The following DIDO1 variants were observed in gnomAD, a reference collection of about 807,000 sequenced individuals.
DIDO1 encodes the protein death-inducer obliterator 1.
Under a neutral mutation model 99.4 loss-of-function variants are expected in DIDO1, and 16 were observed. The observed-to-expected ratio is 0.16, with a 90% CI of 0.11 to 0.24. The LOEUF is 0.24. Ranked by LOEUF, DIDO1 falls within the 10% of genes least tolerant of loss-of-function variation. DIDO1 has a pLI of 1.00. For missense variants in DIDO1, 2,996 were observed against 3,014.0 expected (o/e 0.99, Z 0.14); for synonymous variants, 1,366 against 1,239.1 (o/e 1.10, Z -2.15).
intron 6 of DIDO1, among the ~76,000 whole-genome samples, chr20:62,901,252 ACT>A (rs1457215611): frequency 2.0e-5 from 3 of 152,166 alleles, no homozygotes; most frequent in Admixed American, 2.0e-4. Flanking sequence ...GTTTTGGAAT[ACT>A]CAAAGCTTTC....
chr20:62,905,131 A>G, intron 6 of DIDO1: 1 of 1,005,442 alleles, frequency 9.9e-7, no homozygotes, highest in Non-Finnish European at 1.2e-6. Context: ...AATTTGGGGC[A>G]GGATATGATC....
Position 62,907,139 on chromosome 20 carries a change from C to A in DIDO1, c.1374+8G>T. 1 of 1,614,128 alleles carries A rather than the reference C, an allele frequency of 6.2e-7. No homozygotes were observed. Among genetic ancestry groups the A allele is most frequent in the South Asian group, 1.1e-5 (1 of 91,064 alleles). On this transcript the variant is annotated splice_region_variant and intron_variant, in intron 5 of 15. Transcript: ENST00000395343. ...CACTGCCTGGGCGGCTGGTCCTGGT[C>A]CACTCACCTGAGCACCGCATTTCGG...
intron 1 of DIDO1, among the ~76,000 whole-genome samples, chr20:62,919,206 A>G (rs1408194344): frequency 6.6e-6 from 1 of 152,224 alleles, no homozygotes; most frequent in Non-Finnish European, 1.5e-5. Flanking sequence ...AATCCTTCAG[A>G]CGGCAAATTC....
chr20:62,905,197 A>C (rs2064773339), intron 6 of DIDO1: 1 of 1,116,336 alleles, frequency 9.0e-7, no homozygotes, highest in Non-Finnish European at 1.1e-6. Flanking sequence ...CATGTAGAAT[A>C]CCAAGTCCAA....
chr20:62,902,088 G>A (rs1298424682), intron 6 of DIDO1, among the ~76,000 whole-genome samples: 1 of 152,116 alleles, frequency 6.6e-6, no homozygotes, highest in East Asian at 1.9e-4. Flanking sequence ...CACCCCACCT[G>A]CCCAAGGTGG....
At chr20:62,882,648 C>T (rs2064231201) in intron 15 of DIDO1, among the ~76,000 whole-genome samples, 1 of 152,188 alleles carries the variant, frequency 6.6e-6, no homozygotes, top group South Asian at 2.1e-4. Context: ...TGCACCAACC[C>T]AGTCCTCCCG....
At chr20:62,921,471 G>A (rs1024847928) in intron 1 of DIDO1, among the ~76,000 whole-genome samples, 2 of 152,088 alleles carry the variant, frequency 1.3e-5, no homozygotes, top group Admixed American at 6.6e-5. Context: ...ACTTTTTCCA[G>A]ACACCCTGTC....
chr20:62,900,432 T>G (rs1291344354), intron 6 of DIDO1, among the ~76,000 whole-genome samples: 2 of 152,178 alleles, frequency 1.3e-5, no homozygotes, highest in African/African-American at 4.8e-5. Flanking sequence ...GGCCACTGGG[T>G]GGCACCAGGG....
intron 4 of DIDO1, among the ~76,000 whole-genome samples, chr20:62,909,110 C>T (rs542564360): frequency 5.3e-4 from 81 of 152,350 alleles, no homozygotes; most frequent in Non-Finnish European, 2.4e-4. Context: ...ACAGCAATTT[C>T]CAATACCTGC....
At chr20:62,891,923 A>T (rs758246249) in intron 14 of DIDO1, 64 bp downstream of exon 14, 45 of 1,396,046 alleles carry the variant, frequency 3.2e-5, no homozygotes, top group Admixed American at 2.1e-4. Context: ...GAGAGGTTAA[A>T]AAAAGATGTG....
chr20:62,903,917 C>T (rs957031192), intron 6 of DIDO1, among the ~76,000 whole-genome samples: 11 of 152,246 alleles, frequency 7.2e-5, no homozygotes, highest in Admixed American at 3.9e-4. Context: ...GCCTCCTGGT[C>T]GACCTCTCCC....
intron 15 of DIDO1, chr20:62,887,509 G>A (rs1330948543): frequency 1.0e-6 from 1 of 985,340 alleles, no homozygotes; most frequent in African/African-American, 1.7e-5. Context: ...ACAGAGGGCG[G>A]TGTTTCCTCC....
chr20:62,893,032 CTTTT>C, intron 12 of DIDO1, 70 bp from the exon 13 acceptor site: 4 of 1,266,036 alleles, frequency 3.2e-6, no homozygotes, highest in South Asian at 1.5e-5. Flanking sequence ...AGTAGAAAGC[CTTTT>C]TTTTTTTTGA....
chr20:62,890,643 C>T, intron 15 of DIDO1: 1 of 1,222,316 alleles, frequency 8.2e-7, no homozygotes, highest in Non-Finnish European at 1.0e-6. Context: ...AGTGTCACCT[C>T]CCTTTCTGGC....
At chr20:62,931,923 T>C (rs2065335784) in intron 1 of DIDO1, among the ~76,000 whole-genome samples, 1 of 152,254 alleles carries the variant, frequency 6.6e-6, no homozygotes, top group Non-Finnish European at 1.5e-5. Flanking sequence ...ATTCCTGCTC[T>C]TGCTTAGTTC....
chr20:62,926,564 G>C (rs2065260830), upstream of DIDO1: 1 of 152,084 alleles, frequency 6.6e-6, no homozygotes, highest in African/African-American at 2.4e-5. Context: ...CGGCCACCGA[G>C]ACGCTGCGGG....
intron 2 of DIDO1, among the ~76,000 whole-genome samples, chr20:62,913,888 T>G (rs1010259921): frequency 6.6e-6 from 1 of 152,234 alleles, no homozygotes; most frequent in African/African-American, 2.4e-5. Flanking sequence ...ATGCAAAACC[T>G]CTCAAATATT....
At chr20:62,905,678 C>T (rs2040636913) in intron 6 of DIDO1, 2 of 1,600,922 alleles carry the variant, frequency 1.2e-6, no homozygotes, top group South Asian at 1.1e-5. Flanking sequence ...CTTTGGAAAA[C>T]AGTGACAGGA....
At position 62,881,866 on chromosome 20, in the gene DIDO1, C is replaced by T. The variant is rs760703565; in HGVS notation, c.4090G>A (p.Val1364Ile). The change falls in exon 16 of 16, where the codon GTC becomes ATC. Residue 1364 changes from valine to isoleucine, a missense_variant. By Grantham distance (29) the Val-to-Ile change is conservative. Coordinates refer to ENST00000395343, the MANE Select transcript of DIDO1 (RefSeq NM_001193369.2). This position sits in a 1 kb window ranked among gnomAD's most constrained non-coding sequence, Gnocchi z 8.3. ...TTTGAGAACTGACCGAACTGCTGGA[C>T]GATCGGATCTAACAACGGAGGTGCC... ...VPAPPLLDPIVQQFGQFSKDK... is the reference protein window; with the variant it reads ...VPAPPLLDPIIQQFGQFSKDK... The T allele has an allele frequency of 1.7e-5, 28 of 1,613,460 alleles. No individual in the cohort carries two copies. The highest frequency in any genetic ancestry group is 2.2e-5 in the Non-Finnish European group (26 of 1,180,038).
Sources: allele counts gnomAD v4.1 joint callset (sites outside exome capture counted in the v4.1 genomes callset), GRCh38; gene constraint gnomAD v4.1.1; non-coding constraint Gnocchi (gnomAD v3.1); transcripts MANE v1.5; gene names NCBI Gene and HGNC (gene_info 2026-07-23, HGNC 2026-07-21).